DMD: variants seen among roughly 807,000 people sequenced by gnomAD.
DMD encodes dystrophin, also known as mutant dystrophin.
Under a neutral mutation model 330.1 loss-of-function variants are expected in DMD, and 63 were observed. That is an observed-to-expected ratio of 0.19 (90% CI 0.16 to 0.24). DMD has a LOEUF of 0.24. DMD is among the 10% of genes least tolerant of loss of function. The pLI, the probability that DMD is intolerant of heterozygous loss-of-function variation, is 1.00. For synonymous variants in DMD, 1,223 were observed against 959.8 expected (o/e 1.27, Z -5.07); for missense variants, 3,344 against 2,684.1 (o/e 1.25, Z -5.43).
chrX:32,160,213 T>A (rs1197564562), intron 44 of DMD, among the ~76,000 whole-genome samples: 1 of 109,769 alleles, frequency 9.1e-6, no homozygotes, highest in Non-Finnish European at 1.9e-5. Flanking sequence ...ACTTTGGTTT[T>A]TTTTTTTTTT....
intron 7 of DMD, among the ~76,000 whole-genome samples, chrX:32,737,254 A>G (rs776224877): frequency 2.1e-4 from 23 of 111,578 alleles, no homozygotes; most frequent in Admixed American, 4.8e-4. Context: ...GAATAAAATA[A>G]TATCTTTTCT....
chrX:32,755,346 A>G (rs1235948880), intron 7 of DMD, among the ~76,000 whole-genome samples: 1 of 111,342 alleles, frequency 9.0e-6, no homozygotes, highest in East Asian at 2.8e-4. Context: ...GAACATGACT[A>G]AAATCTTAAA....
At chrX:32,696,492 T>C (rs1192977481) in intron 9 of DMD, among the ~76,000 whole-genome samples, 4 of 111,930 alleles carry the variant, frequency 3.6e-5, no homozygotes, top group African/African-American at 1.3e-4. Context: ...TTATGACATA[T>C]TATGTATTTG....
rs1227756009 is a variant in DMD at position 33,265,144 on chromosome X, T to C, written c.7+74115A>G. ...TCTAAAACTTAGGGGGACTTTAGGCTGAGTCCAGGAATTTTTTTTTCCCTA... is the reference window on the plus strand; with the variant it reads ...TCTAAAACTTAGGGGGACTTTAGGCCGAGTCCAGGAATTTTTTTTTCCCTA... On this transcript the variant is annotated intron_variant, in intron 1 of 17. Transcript: ENST00000288447. Among the ~76,000 whole-genome samples the C allele has an allele frequency of 4.5e-5, 5 of 110,675 alleles. No individual in the cohort carries two copies. The East Asian group carries it at 1.4e-3, about 31-fold the overall frequency.
intron 9 of DMD, among the ~76,000 whole-genome samples, chrX:32,656,187 A>C (rs771153724): frequency 2.7e-5 from 3 of 111,791 alleles, no homozygotes; most frequent in African/African-American, 9.8e-5. Context: ...AACGCATCCA[A>C]CTTCGTCATT....
Position 33,116,353 on chromosome X carries a change from G to C in DMD, c.31+94929C>G, listed in dbSNP as rs1022950633. ...AGGCAAAACCCCATCTCTACAAAAA[G>C]TACGAAAATTAGCTGGGTGTGGTGG... On this transcript the variant is annotated intron_variant, in intron 1 of 78. Coordinates refer to ENST00000357033, the MANE Select transcript of DMD (RefSeq NM_004006.3). Among the ~76,000 whole-genome samples the C allele has an allele frequency of 3.6e-5, 4 of 109,823 alleles. No individual in the cohort carries two copies. In the Admixed American group the frequency reaches 3.9e-4, roughly 11 times the overall value.
At chrX:32,820,376 A>T (rs2078137483) in intron 5 of DMD, among the ~76,000 whole-genome samples, 1 of 111,517 alleles carries the variant, frequency 9.0e-6, no homozygotes, top group Admixed American at 9.6e-5. Flanking sequence ...CAGGAGGCGG[A>T]GCTTGCAGTG....
At chrX:31,881,164 T>C (rs1039819065) in intron 47 of DMD, among the ~76,000 whole-genome samples, 2 of 111,728 alleles carry the variant, frequency 1.8e-5, no homozygotes, top group African/African-American at 6.5e-5. Context: ...AACGTGTTCA[T>C]GTTTTAAGCT....
Position 31,228,443 on chromosome X carries a change from G to A in DMD, c.9287-5322C>T, listed in dbSNP as rs193050361. The stretch of plus-strand genomic sequence containing the variant: ...TTAACTGCCTGTGTTGTTTGAGTCC[G>A]CATGTGTTGCTAGGAGTCTGCAGCA... On this transcript the variant is annotated intron_variant, in intron 63 of 78. Coordinates refer to ENST00000357033, the MANE Select transcript of DMD (RefSeq NM_004006.3). Among the ~76,000 whole-genome samples, 297 of 110,288 alleles carry A rather than the reference G, an allele frequency of 2.7e-3. 4 individuals are homozygous for A. The highest frequency in any genetic ancestry group is 0.026 in the Admixed American group (274 of 10,341).
chrX:33,148,472 C>A (rs1228968548), intron 1 of DMD, among the ~76,000 whole-genome samples: 1 of 111,554 alleles, frequency 9.0e-6, no homozygotes, highest in African/African-American at 3.3e-5. Context: ...GTTTTTAAAG[C>A]CTTAAAGTAG....
At chrX:32,611,353 A>C (rs2057157840) in intron 12 of DMD, among the ~76,000 whole-genome samples, 1 of 111,392 alleles carries the variant, frequency 9.0e-6, no homozygotes, top group South Asian at 3.7e-4. Context: ...AAATAAATAA[A>C]TAATGCCTGG....
At chrX:31,173,416 G>T in intron 72 of DMD, 123 bp downstream of exon 72, 1 of 802,032 alleles carries the variant, frequency 1.2e-6, no homozygotes, top group Non-Finnish European at 1.8e-6. Context: ...AGGGCAAGTT[G>T]ATTAGTAGGA....
intron 62 of DMD, among the ~76,000 whole-genome samples, chrX:31,285,838 G>C (rs1474828090): frequency 9.0e-6 from 1 of 111,591 alleles, no homozygotes; most frequent in African/African-American, 3.3e-5. Flanking sequence ...GGTAAAACAA[G>C]TGAAATGAAA....
intron 41 of DMD, among the ~76,000 whole-genome samples, chrX:32,330,641 CT>C (rs985248042): frequency 5.4e-5 from 6 of 110,926 alleles, no homozygotes; most frequent in Admixed American, 2.9e-4. Context: ...AATTCTTGTT[CT>C]TTTTTTTCTT....
rs760073764 is a variant in DMD at position 33,009,974 on chromosome X, GTA to G, written c.93+10163_93+10164del. On this transcript the variant is annotated intron_variant, in intron 2 of 78. Coordinates refer to ENST00000357033, the MANE Select transcript of DMD (RefSeq NM_004006.3). The stretch of plus-strand genomic sequence containing the variant: ...TGTATGTGTATATACACATATGTGT[GTA>G]TACACATGTGTGTATATACACGTAT... Among the ~76,000 whole-genome samples, 34 of 51,827 alleles carry G rather than the reference GTA, an allele frequency of 6.6e-4. 1 individual carries two copies. Among genetic ancestry groups the G allele is most frequent in the African/African-American group, 3.0e-3 (30 of 9,910 alleles). The allele number at this position is 51,827 out of a possible 115,157, so 45.0% of individuals were successfully genotyped here. A position where few individuals can be genotyped will look rare whatever the true frequency, so the allele number is the denominator to read the frequency against.
At chrX:31,707,058 TTG>T (rs915798917) in intron 52 of DMD, among the ~76,000 whole-genome samples, 6 of 100,383 alleles carry the variant, frequency 6.0e-5, no homozygotes, top group African/African-American at 1.4e-4. Context: ...TTTAATCTCG[TTG>T]TTTTTTTTTA....
intron 50 of DMD, among the ~76,000 whole-genome samples, chrX:31,807,449 A>G (rs1012657100): frequency 1.8e-5 from 2 of 111,299 alleles, no homozygotes; most frequent in African/African-American, 6.5e-5. Flanking sequence ...CAGATGTGGG[A>G]GAATAAATAA....
At chrX:31,370,525 A>G (rs2148651177) in intron 60 of DMD, among the ~76,000 whole-genome samples, 1 of 112,404 alleles carries the variant, frequency 8.9e-6, no homozygotes, top group East Asian at 2.8e-4. Context: ...AAAAATAAAA[A>G]ATAATGACAA....
chrX:31,842,683 T>C, intron 48 of DMD, among the ~76,000 whole-genome samples: 1 of 112,069 alleles, frequency 8.9e-6, no homozygotes, highest in East Asian at 2.8e-4. Flanking sequence ...AGATGACTGC[T>C]AGCAAGCTTT....
Sources: gnomAD v4.1 joint callset for allele counts (sites outside exome capture counted in the v4.1 genomes callset) on GRCh38, gnomAD v4.1.1 for gene constraint, MANE v1.5 for transcripts, NCBI Gene and HGNC (gene_info 2026-07-23, HGNC 2026-07-21) for gene names.